EGFLAM: variants seen among roughly 807,000 people sequenced by gnomAD.
EGFLAM encodes the protein EGF like, fibronectin type III and laminin G domains.
Under a neutral mutation model 113.1 loss-of-function variants are expected in EGFLAM, and 79 were observed. The ratio of observed to expected loss-of-function variants is 0.70; its 90% CI spans 0.58 to 0.84. EGFLAM has a LOEUF of 0.84. EGFLAM is among the 40% of genes least tolerant of loss of function. EGFLAM has a pLI of 0.00. For missense variants in EGFLAM, 1,265 were observed against 1,291.6 expected, an observed-to-expected ratio of 0.98 and a Z score of 0.32; for synonymous variants, 504 against 487.6, an observed-to-expected ratio of 1.03 and a Z score of -0.44.
At chr5:38,264,842 C>T (rs377098472) in intron 1 of EGFLAM, among the ~76,000 whole-genome samples, 13 of 152,228 alleles carry the variant, frequency 8.5e-5, no homozygotes, top group African/African-American at 3.1e-4. Flanking sequence ...CACTCATCCC[C>T]AGCACCCAAC....
chr5:38,448,911 G>A (rs559533098), intron 18 of EGFLAM, among the ~76,000 whole-genome samples: 1 of 152,340 alleles, frequency 6.6e-6, no homozygotes, highest in South Asian at 2.1e-4. Flanking sequence ...GGCCAGTTCA[G>A]TGAGAGGCTT....
At chr5:38,322,299 G>A (rs369141872) in intron 1 of EGFLAM, among the ~76,000 whole-genome samples, 5 of 152,304 alleles carry the variant, frequency 3.3e-5, no homozygotes, top group South Asian at 2.1e-4. Context: ...AAAAGGGCTC[G>A]GGACTCTCTG....
At chr5:38,366,979 T>C (rs1561050507) in intron 5 of EGFLAM, among the ~76,000 whole-genome samples, 2 of 152,178 alleles carry the variant, frequency 1.3e-5, no homozygotes, top group African/African-American at 2.4e-5. Context: ...GGGTTTTGAT[T>C]ACCCACTGCT....
intron 20 of EGFLAM, 42 bp downstream of exon 20, chr5:38,458,436 A>G: frequency 1.9e-6 from 3 of 1,598,206 alleles, no homozygotes; most frequent in Non-Finnish European, 2.6e-6. Flanking sequence ...AGAGCTGAGC[A>G]GTGGTGGGAT....
At chr5:38,311,920 TTA>T (rs1227538621) in intron 1 of EGFLAM, among the ~76,000 whole-genome samples, 1 of 152,266 alleles carries the variant, frequency 6.6e-6, no homozygotes, top group Admixed American at 6.5e-5. Flanking sequence ...AGTATGGGAC[TTA>T]TATATATATT....
At chr5:38,265,746 C>G (rs113580061) in intron 1 of EGFLAM, among the ~76,000 whole-genome samples, 1 of 152,206 alleles carries the variant, frequency 6.6e-6, no homozygotes, top group Non-Finnish European at 1.5e-5. Flanking sequence ...CAGCAGAGGG[C>G]GCACATTCCA....
chr5:38,352,170 C>T, intron 4 of EGFLAM, 26 bp from the exon 5 acceptor site: 1 of 1,613,760 alleles, frequency 6.2e-7, no homozygotes, highest in Non-Finnish European at 8.5e-7. Context: ...CCAGCCTAGT[C>T]TAGTTGTGTT....
At chr5:38,382,257 C>T (rs576757457) in intron 6 of EGFLAM, among the ~76,000 whole-genome samples, 2 of 152,188 alleles carry the variant, frequency 1.3e-5, no homozygotes, top group African/African-American at 2.4e-5. Context: ...AATCATAGTA[C>T]ATACACTTTT....
At chr5:38,429,144 G>T (rs921650347) in intron 14 of EGFLAM, among the ~76,000 whole-genome samples, 3 of 152,170 alleles carry the variant, frequency 2.0e-5, no homozygotes, top group African/African-American at 7.2e-5. Context: ...AATTCATTAT[G>T]AACTTGATTA....
chr5:38,409,799 A>T (rs1741417817), intron 10 of EGFLAM, among the ~76,000 whole-genome samples: 1 of 152,100 alleles, frequency 6.6e-6, no homozygotes, highest in Non-Finnish European at 1.5e-5. Context: ...GCTTGCCTCC[A>T]CTGCCCTCAT....
rs928861703 is a variant in EGFLAM, at chr5:38,465,457, A to T, written c.*1471A>T. Among the ~76,000 whole-genome samples the T allele has an allele frequency of 1.3e-4, 20 of 152,350 alleles. No individual in the cohort carries two copies. The highest frequency in any genetic ancestry group is 4.8e-4 in the African/African-American group (20 of 41,578). On this transcript the variant is annotated 3_prime_UTR_variant, in exon 22 of 22. Transcript: ENST00000322350. ...TTTAAGCACATAATGTAATTCTAAA[A>T]GATGAATAAACTAGAGAGGTTCACT...
intron 5 of EGFLAM, among the ~76,000 whole-genome samples, chr5:38,361,908 A>ATG (rs1295752548): frequency 0.011 from 1,076 of 98,948 alleles, 12 homozygotes; most frequent in African/African-American, 0.028. Context: ...AGGATTTTTG[A>ATG]TTTTTTTTTT....
At chr5:38,441,479 G>GT (rs757960805) in intron 17 of EGFLAM, among the ~76,000 whole-genome samples, 105 of 151,762 alleles carry the variant, frequency 6.9e-4, no homozygotes, top group Admixed American at 1.2e-3. Context: ...GACCCATCCT[G>GT]TGTCCCAGTT....
chr5:38,424,246 T>C (rs957119623), intron 12 of EGFLAM, among the ~76,000 whole-genome samples: 1 of 152,224 alleles, frequency 6.6e-6, no homozygotes, highest in African/African-American at 2.4e-5. Flanking sequence ...TGACAAAGGA[T>C]ACCCTTTCTG....
intron 19 of EGFLAM, 123 bp from the exon 20 acceptor site, chr5:38,458,188 T>C (rs1743151288): frequency 1.3e-6 from 1 of 789,062 alleles, no homozygotes; most frequent in Non-Finnish European, 2.0e-6. Flanking sequence ...TCTTGTTTTT[T>C]GTTAAGGAAA....
In EGFLAM at chr5:38,459,819, C is replaced by T. The variant is rs529355917; in HGVS notation, c.2771+1425C>T. On this transcript the variant is annotated intron_variant, in intron 20 of 21. Transcript: ENST00000322350. ...CTGGCTGTTGGGCCTGCCTTTGAAA[C>T]CCTAGAGGAAATGGGGATACAGAGG... Among the ~76,000 whole-genome samples, 25 of 150,902 alleles carry T rather than the reference C, an allele frequency of 1.7e-4. No homozygotes were observed. In the East Asian group the frequency reaches 2.1e-3, roughly 13 times the overall value.
intron 17 of EGFLAM, among the ~76,000 whole-genome samples, chr5:38,446,972 G>GTTTTAT (rs1312121558): frequency 3.3e-5 from 5 of 152,116 alleles, no homozygotes; most frequent in African/African-American, 1.2e-4. Context: ...GTATTTTCGT[G>GTTTTAT]AAGCTATAAC....
At chr5:38,307,411 C>A (rs148413782) in intron 1 of EGFLAM, among the ~76,000 whole-genome samples, 1 of 152,326 alleles carries the variant, frequency 6.6e-6, no homozygotes, top group Non-Finnish European at 1.5e-5. Context: ...CTCACAAGAT[C>A]TGATGGTTTT....
chr5:38,392,394 T>C (rs1740836160), intron 6 of EGFLAM, among the ~76,000 whole-genome samples: 1 of 152,214 alleles, frequency 6.6e-6, no homozygotes, highest in African/African-American at 2.4e-5. Context: ...ATCTTTGCTA[T>C]TGTGAACAGT....
Sources: allele counts gnomAD v4.1 joint callset (sites outside exome capture counted in the v4.1 genomes callset), GRCh38; gene constraint gnomAD v4.1.1; transcripts MANE v1.5; gene names NCBI Gene and HGNC (gene_info 2026-07-23, HGNC 2026-07-21).